The following HSPA9 variants were observed in gnomAD, a reference collection of about 807,000 sequenced individuals.
HSPA9 encodes the protein stress-70 protein, mitochondrial.
HSPA9 carries 28 observed loss-of-function variants against 81.5 expected under a neutral mutation model. That is an observed-to-expected ratio of 0.34 (90% confidence interval 0.25 to 0.47). The LOEUF is 0.47. HSPA9 is among the 20% of genes least tolerant of loss of function. HSPA9 has a pLI of 1.00. For missense variants in HSPA9, 678 were observed against 838.0 expected (o/e 0.81, Z 2.36); for synonymous variants, 293 against 290.4 (o/e 1.01, Z -0.09).
At chr5:138,575,133 A>G in intron 1 of HSPA9, 105 bp downstream of exon 1, 1 of 764,464 alleles carries the variant, frequency 1.3e-6, no homozygotes, top group East Asian at 2.7e-5. Context: ...CGCCTGACCT[A>G]TACTGGAGAA....
chr5:138,571,812 TTGTG>T (rs10694028), intron 3 of HSPA9, among the ~76,000 whole-genome samples: 21 of 146,278 alleles, frequency 1.4e-4, no homozygotes, highest in South Asian at 1.1e-3. Context: ...CCAACTAATT[TTGTG>T]TGTGTGTGTG....
rs759223758 is a variant in HSPA9 at position 138,573,793 on chromosome 5, G to A, written c.198C>T (p.Cys66=). The A allele has an allele frequency of 2.8e-5, 45 of 1,612,308 alleles. No individual in the cohort carries two copies. The Middle Eastern group carries it at 4.9e-4, about 18-fold the overall frequency. Residue 66 remains cysteine, a synonymous_variant, in exon 3 of 17, where the codon TGC becomes TGT. Coordinates refer to ENST00000297185, the MANE Select transcript of HSPA9 (RefSeq NM_004134.7). ...VGIDLGTTNS[C]VAVMEGKQAK... ...CTTGTTTACCTTCCATAACTGCCAC[G>A]CAGGAGTTGGTAGTACCCAAATCAA...
chr5:138,556,191 G>T, intron 16 of HSPA9, 77 bp from the exon 17 acceptor site: 1 of 1,208,634 alleles, frequency 8.3e-7, no homozygotes, highest in Non-Finnish European at 1.2e-6. Context: ...ACTCCAAGAT[G>T]AGGGACCCAC....
At chr5:138,563,922 A>G (rs1750708933) in intron 9 of HSPA9, among the ~76,000 whole-genome samples, 1 of 152,038 alleles carries the variant, frequency 6.6e-6, no homozygotes, top group African/African-American at 2.4e-5. Context: ...ACCGACCCCA[A>G]TCTTCACTCT....
intron 12 of HSPA9, among the ~76,000 whole-genome samples, 180 bp from the exon 13 acceptor site, chr5:138,558,166 G>A (rs1161941000): frequency 5.3e-5 from 8 of 152,116 alleles, no homozygotes; most frequent in Non-Finnish European, 1.2e-4. Flanking sequence ...AAATCAACTG[G>A]TTTTATACCA....
rs1485788169 is a variant in HSPA9, at chr5:138,573,805, A to T, written c.186T>A (p.Thr62=). 2.5e-6 allele frequency: 4 copies of T among 1,613,570 alleles called. No individual in the cohort carries two copies. The highest frequency in any genetic ancestry group is 3.4e-6 in the Non-Finnish European group (4 of 1,179,652). Reference sequence around the variant, plus strand: ...CCATAACTGCCACGCAGGAGTTGGTAGTACCCAAATCAATACCAACAACTG... The same window carrying T: ...CCATAACTGCCACGCAGGAGTTGGTTGTACCCAAATCAATACCAACAACTG... ...KGAVVGIDLG[T]TNSCVAVMEG... The change falls in exon 3 of 17, where the codon ACT becomes ACA. Residue 62 remains threonine (T), a synonymous_variant. Transcript: ENST00000297185.
At chr5:138,558,880 G>A in intron 11 of HSPA9, 1 of 501,862 alleles carries the variant, frequency 2.0e-6, no homozygotes, top group Non-Finnish European at 3.6e-6. Context: ...ATTGTACAAA[G>A]ACGCAGCATT....
At position 138,555,059 on chromosome 5, in the gene HSPA9, T is replaced by TA. The variant is rs1243270990; in HGVS notation, c.*977dup. 3 of 146,306 alleles carry TA rather than the reference T, an allele frequency of 2.1e-5. No individual in the cohort carries two copies. Among genetic ancestry groups the TA allele is most frequent in the African/African-American group, 8.1e-5 (3 of 36,898 alleles). 9.1% of individuals were successfully genotyped at this position (146,306 alleles called of 1,614,324 possible). ...GTTAGAGATCTAAAAACTTTCATGT[T>TA]AGAGATCTAGAAACTTTCATGTTAG... is the stretch of plus-strand genomic sequence containing the variant. On this transcript the variant is annotated 3_prime_UTR_variant, in exon 17 of 17. Coordinates refer to ENST00000297185, the MANE Select transcript of HSPA9 (RefSeq NM_004134.7).
At position 138,563,710 on chromosome 5, in the gene HSPA9, G is replaced by A. The variant is rs184795550; in HGVS notation, c.973-1921C>T. On this transcript the variant is annotated intron_variant, in intron 9 of 16. Transcript: ENST00000297185. ...AATCTATAAAGCCTCTAGCCCAAGG[G>A]TATCCAATCTTTTGGCTTCCTTGGG... Among the ~76,000 whole-genome samples the A allele has an allele frequency of 2.2e-3, 328 of 152,320 alleles. 3 individuals are homozygous for A. The highest frequency in any genetic ancestry group is 7.4e-3 in the African/African-American group (309 of 41,556).
At chr5:138,573,971 G>A in intron 2 of HSPA9, 97 bp downstream of exon 2, 3 of 1,247,210 alleles carry the variant, frequency 2.4e-6, no homozygotes, top group Non-Finnish European at 3.5e-6. Context: ...AATAAATACA[G>A]ATAAATAATT....
Position 138,556,441 on chromosome 5 carries a change from A to G in HSPA9, c.1962+11T>C. On this transcript the variant is annotated intron_variant, in intron 16 of 16. Transcript: ENST00000297185. ...TCAAGTTAGAATCAAAATCCACTTC[A>G]GCCCTTGTACCTTTTTGTATGCCAT... The G allele has an allele frequency of 1.2e-6, 2 of 1,612,768 alleles. No individual in the cohort carries two copies. Among genetic ancestry groups the G allele is most frequent in the Non-Finnish European group, 1.7e-6 (2 of 1,179,904 alleles).
At chr5:138,559,585 G>C (rs1312522142) in intron 11 of HSPA9, 2 of 408,016 alleles carry the variant, frequency 4.9e-6, no homozygotes, top group Admixed American at 3.6e-5. Context: ...TCAAATGACT[G>C]AGATCCCTTT....
intron 14 of HSPA9, 112 bp from the exon 15 acceptor site, chr5:138,556,978 G>A (rs1265104443): frequency 2.3e-5 from 18 of 799,258 alleles, no homozygotes; most frequent in Non-Finnish European, 3.9e-5. Flanking sequence ...TAAAAATAGA[G>A]TAAGAGGGAG....
chr5:138,574,756 C>T (rs972030273), intron 1 of HSPA9: 1 of 166,972 alleles, frequency 6.0e-6, no homozygotes, highest in African/African-American at 2.4e-5. Flanking sequence ...AAGTAACAAA[C>T]GAGTACAATC....
At chr5:138,557,112 A>C in intron 14 of HSPA9, 1 of 605,480 alleles carries the variant, frequency 1.7e-6, no homozygotes, top group South Asian at 2.0e-5. Context: ...CATAAGGTAT[A>C]AACAACGGGG....
chr5:138,575,160 C>A, intron 1 of HSPA9, 78 bp downstream of exon 1: 1 of 995,882 alleles, frequency 1.0e-6, no homozygotes, highest in South Asian at 1.4e-5. Context: ...CCCTAAAGGG[C>A]GCGCGGCCTG....
chr5:138,556,706 AAAAT>A (rs1361002980), intron 15 of HSPA9, 64 bp downstream of exon 15: 3 of 1,562,728 alleles, frequency 1.9e-6, no homozygotes, highest in African/African-American at 2.7e-5. Flanking sequence ...AACCCACAGA[AAAAT>A]AAACTTCACT....
In HSPA9 at chr5:138,571,026, T is replaced by C. The variant is rs750107974; in HGVS notation, c.344A>G (p.Asn115Ser). 9.3e-6 allele frequency: 15 copies of C among 1,614,170 alleles called. No homozygotes were observed. Among genetic ancestry groups the C allele is most frequent in the Admixed American group, 8.3e-5 (5 of 60,014 alleles). The change falls in exon 4 of 17, where the codon AAT becomes AGT. Residue 115 changes from asparagine (N) to serine (S), a missense_variant. Asn to Ser is a conservative substitution (Grantham distance 46). Transcript: ENST00000297185. ...GAGACGCTTGGTAGCATAAAATGTA[T>C]TGTTTGGGTTGGTGACAGCCTGTCG... ...AKRQAVTNPN[N>S]TFYATKRLIG...
At chr5:138,571,255 A>G (rs1750878256) in intron 3 of HSPA9, 114 bp from the exon 4 acceptor site, 2 of 1,043,450 alleles carry the variant, frequency 1.9e-6, no homozygotes, top group African/African-American at 1.6e-5. Flanking sequence ...ATCTTGGCTC[A>G]CTGCAACCTC....
Sources: gnomAD v4.1 joint callset for allele counts (sites outside exome capture counted in the v4.1 genomes callset) on GRCh38, gnomAD v4.1.1 for gene constraint, MANE v1.5 for transcripts, NCBI Gene and HGNC (gene_info 2026-07-23, HGNC 2026-07-21) for gene names.